Variants in CIB4 observed in about 807,000 individuals in gnomAD.
CIB4 encodes calcium and integrin-binding family member 4.
In CIB4, 25 loss-of-function variants were observed where a neutral mutation model predicts 25.8. The observed-to-expected ratio is 0.97, with a 90% CI of 0.71 to 1.35. CIB4 has a LOEUF of 1.35. Ranked by LOEUF, CIB4 falls within the 40% of genes most tolerant of loss-of-function variation. The pLI, the probability that CIB4 is intolerant of heterozygous loss-of-function variation, is 0.00. For missense variants in CIB4, 235 were observed against 228.2 expected (o/e 1.03, Z -0.19); for synonymous variants, 75 against 81.4 (o/e 0.92, Z 0.42).
chr2:26,608,735 C>G (rs1360035129), intron 3 of CIB4, among the ~76,000 whole-genome samples: 2 of 152,146 alleles, frequency 1.3e-5, no homozygotes, highest in African/African-American at 4.8e-5. Context: ...AACCACCAAC[C>G]TGGAAACAGT....
chr2:26,615,726 C>T (rs72857973), intron 3 of CIB4, among the ~76,000 whole-genome samples: 2,362 of 152,322 alleles, frequency 0.016, 66 homozygotes, highest in African/African-American at 0.053. Flanking sequence ...GCGGCAAGGC[C>T]GAGGCAGGGG....
At position 26,595,222 on chromosome 2, in the gene CIB4, C is replaced by T. The variant is rs140314502; in HGVS notation, c.282G>A (p.Glu94=). ...DVLGMASVFS[E]QACPSLKIEY... Reference sequence around the variant, plus strand: ...CAATCTTCAGGCTTGGGCAGGCCTGCTCGCTGAACACAGATGCCATGCCCA... The same window carrying T: ...CAATCTTCAGGCTTGGGCAGGCCTGTTCGCTGAACACAGATGCCATGCCCA... The change falls in exon 4 of 7, where the codon GAG becomes GAA. Residue 94 remains glutamate, a synonymous_variant. Transcript: ENST00000288861. 1.2e-3 allele frequency: 1,864 copies of T among 1,614,058 alleles called. 29 individuals are homozygous for T. The East Asian group carries it at 0.033, about 28-fold the overall frequency.
chr2:26,622,117 T>C (rs1669214384), intron 3 of CIB4, among the ~76,000 whole-genome samples: 1 of 152,180 alleles, frequency 6.6e-6, no homozygotes, highest in African/African-American at 2.4e-5. Flanking sequence ...TCCCAGCATT[T>C]TGGGAGGCCG....
chr2:26,589,090 T>C lies in CIB4; in HGVS notation c.329-5192A>G, dbSNP rs12475674. Reference sequence around the variant, plus strand: ...CCTCTTCCTCTTCTTCTTCTTCTTCTTCTTCTTCTTCTTCTTCCTCTTCTT... The same window carrying C: ...CCTCTTCCTCTTCTTCTTCTTCTTCCTCTTCTTCTTCTTCTTCCTCTTCTT... On this transcript the variant is annotated intron_variant, in intron 4 of 6. Coordinates refer to ENST00000288861, the MANE Select transcript of CIB4 (RefSeq NM_001029881.3). 3.3e-3 allele frequency among the ~76,000 whole-genome samples: 309 copies of C among 94,888 alleles called. 28 individuals carry two copies. Among genetic ancestry groups the C allele is most frequent in the Middle Eastern group, 8.4e-3 (2 of 238 alleles). 62.3% of individuals were successfully genotyped at this position (94,888 alleles called of 152,430 possible).
chr2:26,614,108 G>T (rs1379154501), intron 3 of CIB4, among the ~76,000 whole-genome samples: 1 of 152,216 alleles, frequency 6.6e-6, no homozygotes, highest in Non-Finnish European at 1.5e-5. Context: ...TCATTAGGAG[G>T]CCCGAAGAGG....
At chr2:26,602,874 A>G (rs1668819553) in intron 3 of CIB4, among the ~76,000 whole-genome samples, 1 of 152,130 alleles carries the variant, frequency 6.6e-6, no homozygotes, top group African/African-American at 2.4e-5. Flanking sequence ...AGCCTAAGCA[A>G]CATAGTGAGA....
In CIB4 at chr2:26,621,182, C is replaced by T. The variant is rs1280612694; in HGVS notation, c.186+8228G>A. Among the ~76,000 whole-genome samples the T allele has an allele frequency of 2.1e-5, 3 of 144,440 alleles. No individual in the cohort carries two copies. In the Admixed American group the frequency reaches 2.1e-4, roughly 10 times the overall value. The allele number at this position is 144,440 out of a possible 152,430, so 94.8% of individuals were successfully genotyped here. On this transcript the variant is annotated intron_variant, in intron 3 of 6. Coordinates refer to ENST00000288861, the MANE Select transcript of CIB4 (RefSeq NM_001029881.3). ...CGTGCCTCACACACAGGGGAAAGGACTCGTGCCAACAATTATTGTTGGGAA... is the reference window on the plus strand; with the variant it reads ...CGTGCCTCACACACAGGGGAAAGGATTCGTGCCAACAATTATTGTTGGGAA...
intron 3 of CIB4, among the ~76,000 whole-genome samples, chr2:26,624,723 G>C (rs927485130): frequency 9.1e-6 from 1 of 109,894 alleles, no homozygotes; most frequent in Non-Finnish European, 1.7e-5. Flanking sequence ...ACCAGGCTGG[G>C]AAGTTTAGTG....
intron 3 of CIB4, among the ~76,000 whole-genome samples, chr2:26,619,248 C>A (rs1335104121): frequency 6.6e-6 from 1 of 152,162 alleles, no homozygotes; most frequent in Non-Finnish European, 1.5e-5. Context: ...ACAGGGCCCT[C>A]CCCGGGGGGT....
intron 4 of CIB4, among the ~76,000 whole-genome samples, chr2:26,590,258 TAAAA>T (rs869097756): frequency 2.4e-4 from 15 of 61,822 alleles, no homozygotes; most frequent in East Asian, 1.1e-3. Flanking sequence ...CAAGCATCTG[TAAAA>T]AAAAAAAAAA....
At chr2:26,589,283 C>T (rs527535957) in intron 4 of CIB4, among the ~76,000 whole-genome samples, 257 of 149,384 alleles carry the variant, frequency 1.7e-3, no homozygotes, top group Admixed American at 5.7e-3. Context: ...CTCCTTCTTT[C>T]CTCCTCCTCC....
chr2:26,628,213 G>A (rs1421199960), intron 3 of CIB4, among the ~76,000 whole-genome samples: 1 of 152,166 alleles, frequency 6.6e-6, no homozygotes, highest in Non-Finnish European at 1.5e-5. Context: ...GTGCCTCTAG[G>A]CTCTTCCAGG....
intron 4 of CIB4, among the ~76,000 whole-genome samples, chr2:26,590,258 T>TTA (rs1464483097): frequency 1.6e-5 from 1 of 61,824 alleles, no homozygotes; most frequent in Non-Finnish European, 2.6e-5. Flanking sequence ...CAAGCATCTG[T>TTA]AAAAAAAAAA....
At chr2:26,584,057 C>G (rs907783186) in intron 4 of CIB4, among the ~76,000 whole-genome samples, 159 bp from the exon 5 acceptor site, 1 of 152,104 alleles carries the variant, frequency 6.6e-6, no homozygotes, top group Non-Finnish European at 1.5e-5. Flanking sequence ...GTGGGTCACA[C>G]GTATGTGCTA....
At chr2:26,598,065 C>T (rs866400901) in intron 3 of CIB4, among the ~76,000 whole-genome samples, 1 of 151,928 alleles carries the variant, frequency 6.6e-6, no homozygotes, top group Non-Finnish European at 1.5e-5. Context: ...TTTGGCAGGC[C>T]GAGACTGACG....
At chr2:26,584,529 T>G (rs1194440401) in intron 4 of CIB4, among the ~76,000 whole-genome samples, 1 of 152,234 alleles carries the variant, frequency 6.6e-6, no homozygotes, top group Non-Finnish European at 1.5e-5. Flanking sequence ...CTGGCCATAC[T>G]GACCCTGGCT....
At chr2:26,590,947 G>T (rs925758831) in intron 4 of CIB4, among the ~76,000 whole-genome samples, 1 of 152,230 alleles carries the variant, frequency 6.6e-6, no homozygotes, top group Non-Finnish European at 1.5e-5. Context: ...CTCTCAGTCT[G>T]ACCTCTGGGG....
intron 2 of CIB4, among the ~76,000 whole-genome samples, chr2:26,640,078 C>T (rs62129520): frequency 0.071 from 9,928 of 140,594 alleles, 490 homozygotes; most frequent in Non-Finnish European, 0.11. Context: ...GAGGCCAGCA[C>T]ATCACAGGCA....
chr2:26,640,554 A>G lies in CIB4; in HGVS notation c.68T>C (p.Leu23Pro). The change falls in exon 2 of 7, where the codon CTG becomes CCG. Residue 23 changes from leucine (L) to proline (P), a missense_variant. Leu to Pro is a moderately conservative substitution (Grantham distance 98, BLOSUM62 -3). Coordinates refer to ENST00000288861, the MANE Select transcript of CIB4 (RefSeq NM_001029881.3). ...TCACCACAGAATTTCATTTCTGGTCAGGAAGGTCAGGGCCTGCAACAAATC... is the reference window on the plus strand; with the variant it reads ...TCACCACAGAATTTCATTTCTGGTCGGGAAGGTCAGGGCCTGCAACAAATC... ...DLEEYQALTF[L>P]TRNEILCIHD... The G allele has an allele frequency of 2.5e-6, 4 of 1,613,306 alleles. No homozygotes were observed. The highest frequency in any genetic ancestry group is 2.5e-6 in the Non-Finnish European group (3 of 1,179,604).
Sources: allele counts gnomAD v4.1 joint callset (sites outside exome capture counted in the v4.1 genomes callset), GRCh38; gene constraint gnomAD v4.1.1; transcripts MANE v1.5; gene names NCBI Gene and HGNC (gene_info 2026-07-23, HGNC 2026-07-21).